OSBPL7: variants seen among roughly 807,000 people sequenced by gnomAD.
The protein encoded by OSBPL7 is oxysterol binding protein like 7.
In OSBPL7, 66 loss-of-function variants were observed where a neutral mutation model predicts 115.8. That is an observed-to-expected ratio of 0.57 (90% CI 0.47 to 0.70). OSBPL7 has a LOEUF of 0.70. Ranked by LOEUF, OSBPL7 falls within the 30% of genes least tolerant of loss-of-function variation. OSBPL7 has a pLI of 0.00. For missense variants in OSBPL7, 902 were observed against 1,125.5 expected, an observed-to-expected ratio of 0.80 and a Z score of 2.84; for synonymous variants, 441 against 439.2, an observed-to-expected ratio of 1.00 and a Z score of -0.05.
Position 47,809,320 on chromosome 17 carries a change from G to C in OSBPL7, c.2025+14C>G. The stretch of plus-strand genomic sequence containing the variant: ...GCCGGGGATGGATGGGCAGGGTCAG[G>C]GTGGCACACACACCTTGCAGAAGGT... On this transcript the variant is annotated intron_variant, in intron 19 of 22. Transcript: ENST00000007414. 6.2e-7 allele frequency: 1 copy of C among 1,613,646 alleles called. No individual in the cohort carries two copies. The highest frequency in any genetic ancestry group is 8.5e-7 in the Non-Finnish European group (1 of 1,179,614).
Position 47,815,316 on chromosome 17 carries a change from G to T in OSBPL7, c.1156C>A (p.Pro386Thr). The T allele has an allele frequency of 3.1e-6, 5 of 1,613,972 alleles. No individual in the cohort carries two copies. Among genetic ancestry groups the T allele is most frequent in the Non-Finnish European group, 4.2e-6 (5 of 1,179,974 alleles). ...ALYMKGRELT[P>T]QLSQTSILSL... ...AGGATGCTGGTCTGCGATAGCTGGG[G>T]GGTGAGCTCGCGCCCCTTCATGTAC... The change falls in exon 13 of 23, where the codon CCC (proline) becomes ACC (threonine). Residue 386 changes from proline to threonine, a missense_variant. Pro to Thr is a conservative substitution (Grantham distance 38). Around this residue, in one of 3 missense-constraint regions of OSBPL7, gnomAD observed 667 missense variants for 788.7 expected, o/e 0.85. Coordinates refer to ENST00000007414, the MANE Select transcript of OSBPL7 (RefSeq NM_145798.3).
Position 47,814,553 on chromosome 17 carries a change from A to T in OSBPL7, c.1319T>A (p.Leu440Gln). 6.8e-7 allele frequency: 1 copy of T among 1,476,712 alleles called. No homozygotes were observed. Among genetic ancestry groups the T allele is most frequent in the Non-Finnish European group, 9.1e-7 (1 of 1,100,738 alleles). The allele number at this position is 1,476,712 out of a possible 1,614,324, so 91.5% of individuals were successfully genotyped here. ...EITTSLSEEM[L>Q]DLRGAERCQK... Reference sequence around the variant, plus strand: ...ACAGCGCTCAGCTCCCCTGAGGTCCAGCATCTCCTCAGACAGGCTGGTGGT... The same window carrying T: ...ACAGCGCTCAGCTCCCCTGAGGTCCTGCATCTCCTCAGACAGGCTGGTGGT... Residue 440 changes from leucine to glutamine, a missense_variant, in exon 14 of 23, where the codon CTG becomes CAG. Leu to Gln is a moderately radical substitution (Grantham distance 113). Coordinates refer to ENST00000007414, the MANE Select transcript of OSBPL7 (RefSeq NM_145798.3).
Sources: allele counts gnomAD v4.1 joint callset, GRCh38; gene constraint gnomAD v4.1.1; regional missense constraint gnomAD v4.1.1; transcripts MANE v1.5; gene names NCBI Gene and HGNC (gene_info 2026-07-23, HGNC 2026-07-21).